The following SEMA3D variants were observed in gnomAD, a reference collection of about 807,000 sequenced individuals.
SEMA3D encodes the protein semaphorin 3D, also known as semaphorin-3D.
SEMA3D carries 84 observed loss-of-function variants against 100.1 expected under a neutral mutation model. The ratio of observed to expected loss-of-function variants is 0.84; its 90% CI spans 0.70 to 1.01. SEMA3D has a LOEUF of 1.01. Among genes scored for constraint, SEMA3D ranks in the 50% least tolerant of loss-of-function variants. The probability of loss-of-function intolerance (pLI) is 0.00; values close to 1 mark genes in which losing one functional copy is unlikely to be tolerated. For missense variants in SEMA3D, 875 were observed against 934.1 expected, an observed-to-expected ratio of 0.94 and a Z score of 0.82; for synonymous variants, 312 against 320.7, an observed-to-expected ratio of 0.97 and a Z score of 0.29.
At chr7:85,060,382 T>G (rs554154547) in intron 8 of SEMA3D, among the ~76,000 whole-genome samples, 2 of 152,152 alleles carry the variant, frequency 1.3e-5, no homozygotes, top group Non-Finnish European at 2.9e-5. Context: ...ATGTTAGTAT[T>G]TTATGACAGA....
intron 3 of SEMA3D, among the ~76,000 whole-genome samples, chr7:85,101,719 A>C (rs1318119401): frequency 6.6e-6 from 1 of 152,040 alleles, no homozygotes; most frequent in Non-Finnish European, 1.5e-5. Flanking sequence ...AAATCATAAT[A>C]TTTCCCAACT....
At chr7:85,156,595 T>G (rs1168056331) in intron 1 of SEMA3D, among the ~76,000 whole-genome samples, 1 of 152,202 alleles carries the variant, frequency 6.6e-6, no homozygotes, top group Non-Finnish European at 1.5e-5. Flanking sequence ...TGAAAAATTT[T>G]AAGAATTTAT....
intron 4 of SEMA3D, among the ~76,000 whole-genome samples, chr7:85,097,553 T>C (rs1303768093): frequency 6.6e-6 from 1 of 151,906 alleles, no homozygotes; most frequent in African/African-American, 2.4e-5. Flanking sequence ...ACTAATTTTT[T>C]ATGTTTTCAT....
intron 2 of SEMA3D, among the ~76,000 whole-genome samples, chr7:85,133,795 T>C (rs1789789469): frequency 6.6e-6 from 1 of 152,032 alleles, no homozygotes; most frequent in Admixed American, 6.6e-5. Context: ...ATATGATTGT[T>C]GTGAGAATAA....
chr7:85,204,461 A>C, the SEMA3D span, among the ~76,000 whole-genome samples: 4 of 152,126 alleles, frequency 2.6e-5, no homozygotes, highest in Non-Finnish European at 5.9e-5. Flanking sequence ...TTTAACTGGC[A>C]GTTAGTCCTC....
chr7:85,117,980 G>C (rs1317697284), intron 3 of SEMA3D, among the ~76,000 whole-genome samples: 2 of 151,698 alleles, frequency 1.3e-5, no homozygotes, highest in Admixed American at 1.3e-4. Flanking sequence ...GTCACACAAA[G>C]AGCATAAGGA....
At chr7:85,095,583 C>T (rs1429963427) in intron 4 of SEMA3D, among the ~76,000 whole-genome samples, 1 of 152,016 alleles carries the variant, frequency 6.6e-6, no homozygotes, top group Admixed American at 6.6e-5. Context: ...CCAATGAAAA[C>T]CAAGTGGGTC....
At chr7:85,127,392 C>T (rs1163648309) in intron 2 of SEMA3D, among the ~76,000 whole-genome samples, 2 of 152,028 alleles carry the variant, frequency 1.3e-5, no homozygotes, top group Non-Finnish European at 2.9e-5. Context: ...GGTTTGCATG[C>T]CTTATAGCCA....
chr7:85,158,097 A>G (rs1456746371), intron 1 of SEMA3D, among the ~76,000 whole-genome samples: 1 of 152,150 alleles, frequency 6.6e-6, no homozygotes, highest in Non-Finnish European at 1.5e-5. Flanking sequence ...TATTGCGTTA[A>G]CTGCACAAAT....
chr7:84,999,644 C>T lies in SEMA3D; in HGVS notation c.2130G>A (p.Arg710=). Residue 710 remains arginine, a synonymous_variant, in exon 19 of 19, where the codon CGG becomes CGA. Coordinates refer to ENST00000284136, the MANE Select transcript of SEMA3D (RefSeq NM_001384900.1). ...GKVKDLLAES[R]LRYKDYIQIL... is the part of the protein sequence containing the mutation. Reference sequence around the variant, plus strand: ...TTTGGATGTAGTCTTTGTATCTCAACCGTGACTCAGCCAATAGATCCTTGA... The same window carrying T: ...TTTGGATGTAGTCTTTGTATCTCAATCGTGACTCAGCCAATAGATCCTTGA... 1 of 1,614,028 alleles carries T rather than the reference C, an allele frequency of 6.2e-7. No individual in the cohort carries two copies. Among genetic ancestry groups the T allele is most frequent in the Admixed American group, 1.7e-5 (1 of 59,964 alleles).
chr7:84,999,856 C>T lies in SEMA3D; in HGVS notation c.1918G>A (p.Asp640Asn), dbSNP rs770945330. ...TATTCCGTTTTGATGATTCTTTCAT[C>T]GGGCTTCAACTGCAGAATTGGAAAA... ...GDEHREELKP[D>N]ERIIKTEYGL... Residue 640 changes from aspartate to asparagine, a missense_variant, in exon 19 of 19, where the codon GAT (aspartate) becomes AAT (asparagine). Asp to Asn is a conservative substitution (Grantham distance 23, BLOSUM62 1). Transcript: ENST00000284136. 18 of 1,611,602 alleles carry T rather than the reference C, an allele frequency of 1.1e-5. No individual in the cohort carries two copies. The highest frequency in any genetic ancestry group is 2.2e-5 in the East Asian group (1 of 44,824).
chr7:85,020,787 CA>C (rs1255121944), intron 13 of SEMA3D, among the ~76,000 whole-genome samples: 1 of 151,142 alleles, frequency 6.6e-6, no homozygotes, highest in Non-Finnish European at 1.5e-5. Flanking sequence ...GTCAAATGAA[CA>C]AAAAAATCAT....
chr7:85,210,894 C>G, the SEMA3D span, among the ~76,000 whole-genome samples: 1 of 151,920 alleles, frequency 6.6e-6, no homozygotes, highest in Non-Finnish European at 1.5e-5. Flanking sequence ...CTACTATAAC[C>G]TCCTCTGTTT....
the SEMA3D span, among the ~76,000 whole-genome samples, chr7:85,200,375 A>G: frequency 6.6e-6 from 1 of 152,168 alleles, no homozygotes; most frequent in Non-Finnish European, 1.5e-5. Context: ...GATGGAGATG[A>G]GCAACTTGTT....
chr7:85,141,452 G>A (rs1291285656), intron 2 of SEMA3D: 1 of 984,924 alleles, frequency 1.0e-6, no homozygotes, highest in Non-Finnish European at 1.2e-6. Flanking sequence ...AAAGATTGGT[G>A]TCTTGATCTT....
chr7:85,094,167 G>A (rs1788480806), intron 4 of SEMA3D, among the ~76,000 whole-genome samples: 1 of 151,830 alleles, frequency 6.6e-6, no homozygotes, highest in South Asian at 2.1e-4. Context: ...TAGAGTGCAT[G>A]TGAGAGAACA....
chr7:85,243,622 T>C, the SEMA3D span, among the ~76,000 whole-genome samples: 3 of 152,186 alleles, frequency 2.0e-5, no homozygotes, highest in Non-Finnish European at 4.4e-5. Flanking sequence ...TAAGATGGAA[T>C]AGCAAATTCT....
the SEMA3D span, among the ~76,000 whole-genome samples, chr7:85,225,068 A>G: frequency 5.9e-4 from 3 of 5,116 alleles, no homozygotes; most frequent in South Asian, 2.1e-3. Flanking sequence ...ATATATATAT[A>G]TATATATATA....
chr7:85,191,236 G>A (rs560732299), upstream of SEMA3D, among the ~76,000 whole-genome samples: 5 of 152,058 alleles, frequency 3.3e-5, no homozygotes, highest in East Asian at 1.9e-4. Context: ...GGTTTTCCAC[G>A]CCTGATATAG....
Sources: allele counts gnomAD v4.1 joint callset (sites outside exome capture counted in the v4.1 genomes callset), GRCh38; gene constraint gnomAD v4.1.1; transcripts MANE v1.5; gene names NCBI Gene and HGNC (gene_info 2026-07-23, HGNC 2026-07-21).